Variants in NOC3L observed in about 807,000 individuals in gnomAD.
The protein encoded by NOC3L is nucleolar complex protein 3 homolog.
Under a neutral mutation model 102.5 loss-of-function variants are expected in NOC3L, and 85 were observed. That is an observed-to-expected ratio of 0.83 (90% CI 0.70 to 0.99). NOC3L has a LOEUF of 0.99. Ranked by LOEUF, NOC3L falls within the 50% of genes least tolerant of loss-of-function variation. The pLI is 0.00. For synonymous variants in NOC3L, 303 were observed against 309.4 expected, an observed-to-expected ratio of 0.98 and a Z score of 0.22; for missense variants, 878 against 914.9, an observed-to-expected ratio of 0.96 and a Z score of 0.52.
the NOC3L span, chr10:94,322,073 C>A: frequency 6.2e-7 from 1 of 1,612,338 alleles, no homozygotes. Flanking sequence ...AAAGCCTCTC[C>A]CTTCCTCACC....
chr10:94,315,410 G>A, the NOC3L span: 1 of 456,056 alleles, frequency 2.2e-6, no homozygotes, highest in South Asian at 1.5e-5. Context: ...AACAAAGGGA[G>A]TTTCTTCACT....
Position 94,361,809 on chromosome 10 carries a change from C to G in NOC3L, c.73G>C (p.Glu25Gln), listed in dbSNP as rs967362345. ...AACTGCTTATTTTTTAGCTTGTTTT[C>G]AAGTTTGACTTTACTAGTTTTTATT... The part of the protein sequence containing the change: ...KLIKTSKVKL[E>Q]NKLKNKQFKQ... The change falls in exon 2 of 21, where the codon GAA becomes CAA. Residue 25 changes from glutamate (E) to glutamine (Q), a missense_variant. By Grantham distance (29) the Glu-to-Gln change is conservative. Coordinates refer to ENST00000371361, the MANE Select transcript of NOC3L (RefSeq NM_022451.11). 5 of 1,613,826 alleles carry G rather than the reference C, an allele frequency of 3.1e-6. No homozygotes were observed. Among genetic ancestry groups the G allele is most frequent in the Middle Eastern group, 1.6e-4 (1 of 6,062 alleles).
the NOC3L span, among the ~76,000 whole-genome samples, chr10:94,319,864 CTTT>C: frequency 3.3e-3 from 310 of 92,904 alleles, no homozygotes; most frequent in African/African-American, 0.011. Context: ...CAAAGGTGCT[CTTT>C]TTTTTTTTTT....
the NOC3L span, among the ~76,000 whole-genome samples, chr10:94,317,581 T>A: frequency 6.6e-6 from 1 of 152,192 alleles, no homozygotes; most frequent in East Asian, 1.9e-4. Flanking sequence ...TCATACAAAG[T>A]AAGAATAATA....
chr10:94,328,677 G>A (rs1335947232), downstream of NOC3L: 1 of 152,122 alleles, frequency 6.6e-6, no homozygotes, highest in African/African-American at 2.4e-5. Flanking sequence ...GTGTAAATAT[G>A]TCCTATAACA....
At chr10:94,324,547 A>T in the NOC3L span, 1 of 1,613,576 alleles carries the variant, frequency 6.2e-7, no homozygotes. Flanking sequence ...ATTCATCCTT[A>T]AGCTAAAGGA....
the NOC3L span, chr10:94,325,085 G>C: frequency 1.1e-3 from 1,807 of 1,613,690 alleles, 10 homozygotes; most frequent in Middle Eastern, 7.6e-3. Flanking sequence ...CAGTGACTAA[G>C]GGCAGCATGT....
chr10:94,339,585 A>G (rs1459219135), intron 17 of NOC3L, among the ~76,000 whole-genome samples, 154 bp downstream of exon 17: 1 of 152,126 alleles, frequency 6.6e-6, no homozygotes, highest in African/African-American at 2.4e-5. Flanking sequence ...GCTTTTTTTC[A>G]ATTTTATATA....
In NOC3L at chr10:94,352,124, CTA is replaced by C. The variant is rs1237938416; in HGVS notation, c.952+184_952+185del. Among the ~76,000 whole-genome samples the C allele has an allele frequency of 1.2e-4, 18 of 152,148 alleles. No individual in the cohort carries two copies. In the South Asian group the frequency reaches 3.3e-3, roughly 28 times the overall value. ...ACAGGAAAACTGAGACACAGAAAGACTATGTAATTTTCCCATCACATAGGTAG... is the reference window on the plus strand; with the variant it reads ...ACAGGAAAACTGAGACACAGAAAGACTGTAATTTTCCCATCACATAGGTAG... On this transcript the variant is annotated intron_variant, in intron 8 of 20. Transcript: ENST00000371361.
intron 2 of NOC3L, among the ~76,000 whole-genome samples, chr10:94,359,746 T>C (rs930300946): frequency 6.6e-6 from 1 of 152,048 alleles, no homozygotes; most frequent in Non-Finnish European, 1.5e-5. Flanking sequence ...GTAACAATGC[T>C]GGCAAGGATG....
chr10:94,334,169 T>C lies in NOC3L; in HGVS notation c.*8A>G, dbSNP rs781111576. On this transcript the variant is annotated 3_prime_UTR_variant, in exon 21 of 21. Coordinates refer to ENST00000371361, the MANE Select transcript of NOC3L (RefSeq NM_022451.11). ...TATACAAGAAAGTCCACTGACTTCA[T>C]TCCTCTACTAGTGTAGTGATGTTTT... 3 of 1,206,134 alleles carry C rather than the reference T, an allele frequency of 2.5e-6. No individual in the cohort carries two copies. The highest frequency in any genetic ancestry group is 1.3e-5 in the South Asian group (1 of 79,874). The allele number at this position is 1,206,134 out of a possible 1,614,324, so 74.7% of individuals were successfully genotyped here. A position where few individuals can be genotyped will look rare whatever the true frequency, so the allele number is the denominator to read the frequency against.
chr10:94,321,384 G>A, the NOC3L span, among the ~76,000 whole-genome samples: 5 of 152,162 alleles, frequency 3.3e-5, no homozygotes, highest in Non-Finnish European at 5.9e-5. Flanking sequence ...CTGTAACCCT[G>A]GTACTTTGGG....
the NOC3L span, chr10:94,322,037 C>A: frequency 6.2e-7 from 1 of 1,614,042 alleles, no homozygotes; most frequent in African/African-American, 1.3e-5. Flanking sequence ...CGCGTCAGCA[C>A]TGCACAGGAT....
the NOC3L span, among the ~76,000 whole-genome samples, chr10:94,322,710 G>T: frequency 6.6e-6 from 1 of 151,942 alleles, no homozygotes; most frequent in Non-Finnish European, 1.5e-5. Flanking sequence ...GCTTGAACCC[G>T]GGAGGCAGAG....
chr10:94,344,927 T>C lies in NOC3L; in HGVS notation c.1396A>G (p.Lys466Glu). The C allele has an allele frequency of 6.2e-7, 1 of 1,608,518 alleles. No individual in the cohort carries two copies. The highest frequency in any genetic ancestry group is 8.5e-7 in the Non-Finnish European group (1 of 1,178,782). The change falls in exon 12 of 21, where the codon AAA becomes GAA. Residue 466 changes from lysine (K) to glutamate (E), a missense_variant. Coordinates refer to ENST00000371361, the MANE Select transcript of NOC3L (RefSeq NM_022451.11). ...TCTCGCTCTAGTTTCTCTTCTGCTT[T>C]CTTCCACTGAAAATAGATTGAAAAA... ...SLSRMQRKWK[K>E]AEEKLERELR...
In NOC3L at chr10:94,341,738, G is replaced by C; in HGVS notation, c.1579C>G (p.His527Asp). The C allele has an allele frequency of 6.4e-7, 1 of 1,550,550 alleles. No individual in the cohort carries two copies. The highest frequency in any genetic ancestry group is 8.7e-7 in the Non-Finnish European group (1 of 1,146,216). Reference sequence around the variant, plus strand: ...TCAAAAAATTCCACATTTATAAGGTGAGCAAACCTGGAATCAAACAAAACA... The same window carrying C: ...TCAAAAAATTCCACATTTATAAGGTCAGCAAACCTGGAATCAAACAAAACA... ...AVLEGLAKFA[H>D]LINVEFFDDL... The change falls in exon 14 of 21, where the codon CAC becomes GAC. Residue 527 changes from histidine (H) to aspartate (D), a missense_variant. By Grantham distance (81) the His-to-Asp change is moderately conservative. Coordinates refer to ENST00000371361, the MANE Select transcript of NOC3L (RefSeq NM_022451.11).
At chr10:94,332,973 C>G (rs936177464), downstream of NOC3L, 1 of 152,086 alleles carries the variant, frequency 6.6e-6, no homozygotes, top group Non-Finnish European at 1.5e-5. Flanking sequence ...ATAATCAAGC[C>G]TTAAAAAATG....
chr10:94,334,652 A>C lies in NOC3L; in HGVS notation c.2256T>G (p.Ser752=). 6.2e-7 allele frequency: 1 copy of C among 1,612,718 alleles called. No homozygotes were observed. Among genetic ancestry groups the C allele is most frequent in the Middle Eastern group, 1.7e-4 (1 of 6,050 alleles). ...AEMTFNPPVE[S]SNPKIKGKFL... ...CCCATACCTTTATTTTGGGGTTTGA[A>C]GATTCAACAGGAGGATTGAATGTCA... Residue 752 remains serine, a synonymous_variant, in exon 20 of 21, where the codon TCT becomes TCG. Transcript: ENST00000371361.
At chr10:94,348,920 T>C (rs1345989980) in intron 10 of NOC3L, among the ~76,000 whole-genome samples, 1 of 149,988 alleles carries the variant, frequency 6.7e-6, no homozygotes, top group African/African-American at 2.4e-5. Flanking sequence ...AATACTCTGG[T>C]AGGCATTAGA....
Sources: allele counts gnomAD v4.1 joint callset (sites outside exome capture counted in the v4.1 genomes callset), GRCh38; gene constraint gnomAD v4.1.1; transcripts MANE v1.5; gene names NCBI Gene and HGNC (gene_info 2026-07-23, HGNC 2026-07-21).